DPH1: variants seen among roughly 807,000 people sequenced by gnomAD.
DPH1 encodes 2-(3-amino-3-carboxypropyl)histidine synthase subunit 1.
DPH1 carries 59 observed loss-of-function variants against 55.3 expected under a neutral mutation model. That is an observed-to-expected ratio of 1.07 (90% confidence interval 0.87 to 1.33). The LOEUF is 1.33. Among genes scored for constraint, DPH1 ranks in the 40% most tolerant of loss-of-function variants. DPH1 has a pLI of 0.00. For synonymous variants in DPH1, 238 were observed against 235.5 expected (o/e 1.01, Z -0.10); for missense variants, 628 against 584.8 (o/e 1.07, Z -0.76).
intron 7 of DPH1, 96 bp downstream of exon 7, chr17:2,039,919 C>T: frequency 6.4e-7 from 1 of 1,557,358 alleles, no homozygotes; most frequent in Non-Finnish European, 8.8e-7. Context: ...TTCCTGGCCA[C>T]TAAGCCACCA....
chr17:2,041,465 C>T lies in DPH1; in HGVS notation c.1087-16C>T. The T allele has an allele frequency of 1.3e-6, 2 of 1,590,998 alleles. No individual in the cohort carries two copies. The highest frequency in any genetic ancestry group is 1.7e-6 in the Non-Finnish European group (2 of 1,170,712). On this transcript the variant is annotated splice_polypyrimidine_tract_variant and intron_variant, in intron 10 of 12. Transcript: ENST00000263083. ...AACACTGGCAGATGTTATTGTCCCT[C>T]CCTCCCCTCCCCTAGGCGGCCGTGG...
chr17:2,036,349 GAC>G lies in DPH1; in HGVS notation c.401-178_401-177del, dbSNP rs1298415839. 1 of 1,059,350 alleles carries G rather than the reference GAC, an allele frequency of 9.4e-7. No homozygotes were observed. The highest frequency in any genetic ancestry group is 1.3e-6 in the Non-Finnish European group (1 of 744,036). The allele number at this position is 1,059,350 out of a possible 1,614,324, so 65.6% of individuals were successfully genotyped here. Reference sequence around the variant, plus strand: ...AGAGCAGGCTGGGCCCCGGCCGGGTGACAGAGAAGTCTGATTGAGAAGGAGCT... The same window carrying G: ...AGAGCAGGCTGGGCCCCGGCCGGGTGAGAGAAGTCTGATTGAGAAGGAGCT... On this transcript the variant is annotated intron_variant, in intron 4 of 12. Transcript: ENST00000263083. This position sits in a 1 kb window ranked among gnomAD's most constrained non-coding sequence, Gnocchi z 4.8.
At position 2,036,814 on chromosome 17, in the gene DPH1, C is replaced by A. The variant is rs372722896; in HGVS notation, c.559-21C>A. On this transcript the variant is annotated intron_variant, in intron 5 of 12. Transcript: ENST00000263083. The surrounding 1 kb of genome is among the most constrained non-coding windows in gnomAD (Gnocchi z 4.8). Reference sequence around the variant, plus strand: ...TCTCCTGCCCCAGCCGCTGGCTTCACTTCCCTCGTCATTCCTACAGGCAGC... The same window carrying A: ...TCTCCTGCCCCAGCCGCTGGCTTCAATTCCCTCGTCATTCCTACAGGCAGC... 2 of 1,612,216 alleles carry A rather than the reference C, an allele frequency of 1.2e-6. No homozygotes were observed. The highest frequency in any genetic ancestry group is 2.2e-5 in the South Asian group (2 of 90,860).
In DPH1 at chr17:2,036,611, C is replaced by T. The variant is rs1251847482; in HGVS notation, c.483C>T (p.Asp161=). The T allele has an allele frequency of 6.8e-6, 11 of 1,614,152 alleles. No homozygotes were observed. The highest frequency in any genetic ancestry group is 9.3e-6 in the Non-Finnish European group (11 of 1,180,002). Residue 161 remains aspartate (D), a synonymous_variant, in exon 5 of 13, where the codon GAC becomes GAT. Coordinates refer to ENST00000263083, the MANE Select transcript of DPH1 (RefSeq NM_001383.6). The surrounding 1 kb of genome is among the most constrained non-coding windows in gnomAD (Gnocchi z 4.8). ...GGATAGACACTACACACCTCCTGGA[C>T]TCTCTCCGCCTCACCTTTCCCCCAG... ...DIRIDTTHLL[D]SLRLTFPPAT... is the part of the protein sequence containing the mutation.
chr17:2,035,401 G>A (rs1036771775), intron 3 of DPH1, among the ~76,000 whole-genome samples: 2 of 122,058 alleles, frequency 1.6e-5, no homozygotes, highest in Non-Finnish European at 1.8e-5. Context: ...GGCCCTGCCT[G>A]CGGTGGGGAG....
At chr17:2,037,156 A>T (rs1026429713) in intron 6 of DPH1, 200 bp downstream of exon 6, 9 of 713,124 alleles carry the variant, frequency 1.3e-5, no homozygotes, top group African/African-American at 3.6e-5. Context: ...TCCATCATCC[A>T]GAAGGCTGTG....
chr17:2,031,660 G>A (rs937628363), intron 1 of DPH1, among the ~76,000 whole-genome samples: 7 of 151,502 alleles, frequency 4.6e-5, no homozygotes, highest in African/African-American at 1.5e-4. Flanking sequence ...ATTATCGTTT[G>A]AGCCCAGGAC....
Position 2,040,323 on chromosome 17 carries a change from G to T in DPH1, c.855G>T (p.Trp285Cys). Residue 285 changes from tryptophan to cysteine, a missense_variant, in exon 8 of 13, where the codon TGG (tryptophan) becomes TGT (cysteine). Trp to Cys is a radical substitution (Grantham distance 215). Transcript: ENST00000263083. Reference sequence around the variant, plus strand: ...CCACTGCCCGCTCAGCTAAGTCCTGGGGCCTTATTCTGGGCACTTTGGGCC... The same window carrying T: ...CCACTGCCCGCTCAGCTAAGTCCTGTGGCCTTATTCTGGGCACTTTGGGCC... Reference protein sequence around the residue: ...AIATARSAKSWGLILGTLGRQ... With the variant: ...AIATARSAKSCGLILGTLGRQ... 1 of 1,614,020 alleles carries T rather than the reference G, an allele frequency of 6.2e-7. No individual in the cohort carries two copies. The highest frequency in any genetic ancestry group is 8.5e-7 in the Non-Finnish European group (1 of 1,180,026).
rs764032731 is a variant in DPH1 at position 2,040,504 on chromosome 17, G to A, written c.907-1G>A. 1.9e-6 allele frequency: 3 copies of A among 1,614,046 alleles called. No homozygotes were observed. The highest frequency in any genetic ancestry group is 3.3e-5 in the Admixed American group (2 of 60,004). On this transcript the variant is annotated splice_acceptor_variant, in intron 8 of 12. Transcript: ENST00000263083. LOFTEE classifies it high-confidence loss of function. ...CCCACCCTGCCTCCCTCTCCCAACA[G>A]CACCTGGAATCTCGACTCCGAGCCT...
intron 1 of DPH1, among the ~76,000 whole-genome samples, chr17:2,031,337 G>T (rs550695441): frequency 3.1e-4 from 47 of 152,128 alleles, no homozygotes; most frequent in East Asian, 1.2e-3. Context: ...GAGGCGGGCG[G>T]ATTACCTGAG....
Position 2,041,597 on chromosome 17 carries a change from C to T in DPH1, c.1203C>T (p.Ala401=), listed in dbSNP as rs2067525365. 1.9e-6 allele frequency: 3 copies of T among 1,607,410 alleles called. No homozygotes were observed. Among genetic ancestry groups the T allele is most frequent in the African/African-American group, 1.3e-5 (1 of 74,742 alleles). Residue 401 remains alanine (A), a synonymous_variant, in exon 11 of 13, where the codon GCC becomes GCT. Transcript: ENST00000263083. ...VNHGQDRRPH[A]PGRPARGKVQ... is the part of the protein sequence containing the mutation. Reference sequence around the variant, plus strand: ...ACGGCCAGGACCGCCGTCCCCACGCCCCGGGCCGGCCCGCGCGGGGGAAGG... The same window carrying T: ...ACGGCCAGGACCGCCGTCCCCACGCTCCGGGCCGGCCCGCGCGGGGGAAGG...
At chr17:2,037,404 G>C (rs1006643297) in intron 6 of DPH1, 1 of 158,240 alleles carries the variant, frequency 6.3e-6, no homozygotes. Context: ...CCCCGACTGG[G>C]ACTAGGGAAG....
rs557585424 is a variant in DPH1 at position 2,031,680 on chromosome 17, G to T, written c.61+1450G>T. On this transcript the variant is annotated intron_variant, in intron 1 of 12. Transcript: ENST00000263083. ...CGTTTGAGCCCAGGACGTCGAGGCC[G>T]CAGTGGACCATGATTGCACCCCTGC... Among the ~76,000 whole-genome samples the T allele has an allele frequency of 2.6e-5, 4 of 151,896 alleles. 1 individual carries two copies. In the East Asian group the frequency reaches 7.8e-4, roughly 29 times the overall value.
chr17:2,039,895 G>C (rs927697736), intron 7 of DPH1, 72 bp downstream of exon 7: 4 of 1,601,248 alleles, frequency 2.5e-6, no homozygotes, highest in Non-Finnish European at 2.6e-6. Context: ...GTCCTCAATT[G>C]GTTGCATCCC....
At chr17:2,034,307 A>G (rs1054942970) in intron 3 of DPH1, among the ~76,000 whole-genome samples, 1 of 151,876 alleles carries the variant, frequency 6.6e-6, no homozygotes, top group African/African-American at 2.4e-5. Flanking sequence ...CAGTTCCTCT[A>G]CATCCTACCC....
chr17:2,032,704 T>A (rs745597730), intron 1 of DPH1, among the ~76,000 whole-genome samples: 9 of 152,214 alleles, frequency 5.9e-5, no homozygotes, highest in Non-Finnish European at 1.2e-4. Flanking sequence ...GCTTAAGACC[T>A]AAACTTCCTG....
chr17:2,042,328 C>G, intron 12 of DPH1: 1 of 1,374,416 alleles, frequency 7.3e-7, no homozygotes. Flanking sequence ...CGTCCACCCG[C>G]ATTCCTCCCA....
intron 12 of DPH1, 164 bp downstream of exon 12, chr17:2,042,039 C>A: frequency 6.6e-7 from 1 of 1,512,380 alleles, no homozygotes; most frequent in South Asian, 1.2e-5. Flanking sequence ...TCGCTCCTTG[C>A]CGGGCATAAT....
chr17:2,036,127 G>A lies in DPH1; in HGVS notation c.400+36G>A, dbSNP rs376571034. On this transcript the variant is annotated intron_variant, in intron 4 of 12. Coordinates refer to ENST00000263083, the MANE Select transcript of DPH1 (RefSeq NM_001383.6). The surrounding 1 kb of genome is among the most constrained non-coding windows in gnomAD (Gnocchi z 4.8). ...GCCAGGACACCTGGACGGTGGCGGGGCTGGCAGGGAGGCAGGCTGCACATT... is the reference window on the plus strand; with the variant it reads ...GCCAGGACACCTGGACGGTGGCGGGACTGGCAGGGAGGCAGGCTGCACATT... The A allele has an allele frequency of 1.6e-5, 26 of 1,610,106 alleles. No individual in the cohort carries two copies. Among genetic ancestry groups the A allele is most frequent in the African/African-American group, 5.3e-5 (4 of 74,858 alleles).
Sources: gnomAD v4.1 joint callset for allele counts (sites outside exome capture counted in the v4.1 genomes callset) on GRCh38, gnomAD v4.1.1 for gene constraint, Gnocchi (gnomAD v3.1) non-coding constraint, MANE v1.5 for transcripts, NCBI Gene and HGNC (gene_info 2026-07-23, HGNC 2026-07-21) for gene names.